RBM6: variants seen among roughly 807,000 people sequenced by gnomAD.
RBM6 encodes RNA binding motif protein 6, also known as RNA-binding protein 6.
RBM6 carries 23 observed loss-of-function variants against 140.4 expected under a neutral mutation model. The observed-to-expected ratio is 0.16, with a 90% CI of 0.12 to 0.23. The LOEUF (loss-of-function observed/expected upper bound fraction) is 0.23. RBM6 is among the 10% of genes least tolerant of loss of function. RBM6 has a pLI of 1.00. For synonymous variants in RBM6, 439 were observed against 475.6 expected (o/e 0.92, Z 1.00); for missense variants, 1,139 against 1,386.7 (o/e 0.82, Z 2.84).
intron 3 of RBM6, among the ~76,000 whole-genome samples, chr3:49,970,322 C>G (rs1196760739): frequency 1.3e-5 from 2 of 152,038 alleles, no homozygotes; most frequent in African/African-American, 2.4e-5. Context: ...TCAAGCAGTC[C>G]CCCCACCTTA....
At chr3:50,064,537 A>T (rs2090052215) in intron 15 of RBM6, among the ~76,000 whole-genome samples, 1 of 151,842 alleles carries the variant, frequency 6.6e-6, no homozygotes, top group Admixed American at 6.6e-5. Context: ...TTTGAGACAG[A>T]GTCTCTCTCT....
intron 5 of RBM6, among the ~76,000 whole-genome samples, chr3:49,980,411 T>A (rs1224369688): frequency 2.0e-5 from 3 of 152,086 alleles, no homozygotes; most frequent in African/African-American, 7.2e-5. Context: ...TTGCTATAAA[T>A]GGAGAAGGAA....
At chr3:50,016,081 C>T (rs57575459) in intron 6 of RBM6, among the ~76,000 whole-genome samples, 9 of 152,266 alleles carry the variant, frequency 5.9e-5, no homozygotes, top group Non-Finnish European at 5.9e-5. Flanking sequence ...AACATTCTCC[C>T]GTTCTCCTCC....
intron 5 of RBM6, among the ~76,000 whole-genome samples, chr3:49,989,994 G>A (rs1000266079): frequency 6.6e-6 from 1 of 152,094 alleles, no homozygotes; most frequent in Non-Finnish European, 1.5e-5. Context: ...TGATCTGCCC[G>A]CCTTGGCTTC....
intron 5 of RBM6, among the ~76,000 whole-genome samples, chr3:49,983,338 G>A (rs1285919998): frequency 6.6e-6 from 1 of 152,098 alleles, no homozygotes; most frequent in Non-Finnish European, 1.5e-5. Context: ...TATAAAACAT[G>A]CACAGTAGCC....
intron 6 of RBM6, among the ~76,000 whole-genome samples, chr3:50,040,923 G>A (rs1354935978): frequency 6.6e-6 from 1 of 152,122 alleles, no homozygotes; most frequent in Admixed American, 6.6e-5. Flanking sequence ...GGGGTTACAG[G>A]CGTGAGCCAC....
chr3:49,947,267 G>A (rs1177665256), intron 1 of RBM6, among the ~76,000 whole-genome samples: 32 of 76,314 alleles, frequency 4.2e-4, no homozygotes, highest in East Asian at 2.6e-3. Flanking sequence ...AAAAAAGGGG[G>A]GGGGGGGGGG....
intron 6 of RBM6, among the ~76,000 whole-genome samples, chr3:50,041,655 C>T (rs528057283): frequency 7.2e-5 from 11 of 152,176 alleles, no homozygotes; most frequent in South Asian, 2.1e-4. Context: ...GTTCTTGAAA[C>T]TCCTGGTAGC....
chr3:50,004,729 C>T (rs972768467), intron 6 of RBM6, among the ~76,000 whole-genome samples: 2 of 152,056 alleles, frequency 1.3e-5, no homozygotes, highest in African/African-American at 2.4e-5. Context: ...AAGCAATCCT[C>T]TCACCTCAGC....
Position 50,057,930 on chromosome 3 carries a change from A to G in RBM6, c.1896A>G (p.Glu632=), listed in dbSNP as rs2089779222. ...GGTATCTGCCTCCTTCTCGAAGGGA[A>G]GGGCCAACTTTCCGAAGAGACCGAG... ...AERYLPPSRR[E]GPTFRRDRER... is the part of the protein sequence containing the mutation. Residue 632 remains glutamate, a synonymous_variant, in exon 9 of 21, where the codon GAA becomes GAG. Transcript: ENST00000266022. 6.2e-7 allele frequency: 1 copy of G among 1,614,054 alleles called. No homozygotes were observed. The highest frequency in any genetic ancestry group is 8.5e-7 in the Non-Finnish European group (1 of 1,180,030).
chr3:49,959,054 A>C (rs983349572), intron 1 of RBM6, among the ~76,000 whole-genome samples: 1 of 151,992 alleles, frequency 6.6e-6, no homozygotes, highest in African/African-American at 2.4e-5. Flanking sequence ...CGGCCTCCCA[A>C]AGTGCTGGGA....
At chr3:49,974,449 G>A (rs1412721925) in intron 4 of RBM6, among the ~76,000 whole-genome samples, 1 of 149,506 alleles carries the variant, frequency 6.7e-6, no homozygotes, top group African/African-American at 2.5e-5. Context: ...TTGGCTCACT[G>A]CAAGCTCCTT....
intron 6 of RBM6, among the ~76,000 whole-genome samples, chr3:50,035,654 C>T (rs2088489510): frequency 6.6e-6 from 1 of 151,848 alleles, no homozygotes. Flanking sequence ...TGCACTCCAG[C>T]CTGGTCGACA....
At chr3:49,996,719 A>G (rs181976885) in intron 5 of RBM6, among the ~76,000 whole-genome samples, 2 of 152,326 alleles carry the variant, frequency 1.3e-5, no homozygotes, top group African/African-American at 4.8e-5. Flanking sequence ...ATATTTCTTA[A>G]CTAGGCTTAT....
At chr3:50,030,931 G>A (rs1460727730) in intron 6 of RBM6, among the ~76,000 whole-genome samples, 1 of 152,144 alleles carries the variant, frequency 6.6e-6, no homozygotes, top group Non-Finnish European at 1.5e-5. Context: ...GGGGGCTGGG[G>A]GGAAGGTGGG....
chr3:50,028,475 G>A (rs762086281), intron 6 of RBM6, among the ~76,000 whole-genome samples: 2 of 152,184 alleles, frequency 1.3e-5, no homozygotes, highest in African/African-American at 4.8e-5. Context: ...GCCAGAGAAC[G>A]TTAGTTTAGG....
chr3:50,072,099 A>G (rs925676488), intron 19 of RBM6, among the ~76,000 whole-genome samples: 5 of 146,354 alleles, frequency 3.4e-5, no homozygotes, highest in South Asian at 2.1e-4. Flanking sequence ...AAAAAAAAAA[A>G]AAAAAAGAAA....
chr3:50,067,186 CAAAAAAAAAAAAAA>C (rs751552449), intron 17 of RBM6, among the ~76,000 whole-genome samples: 1 of 19,556 alleles, frequency 5.1e-5, no homozygotes, highest in African/African-American at 1.5e-4. Flanking sequence ...GACTCTATCT[CAAAAAAAAAAAAAA>C]AAAAAAAAAA....
intron 18 of RBM6, 34 bp downstream of exon 18, chr3:50,068,798 C>T (rs769176543): frequency 6.3e-7 from 1 of 1,586,742 alleles, no homozygotes; most frequent in Non-Finnish European, 8.7e-7. Context: ...CCCTTGACCT[C>T]AGCTCTTTTT....
Sources: allele counts gnomAD v4.1 joint callset (sites outside exome capture counted in the v4.1 genomes callset), GRCh38; gene constraint gnomAD v4.1.1; transcripts MANE v1.5; gene names NCBI Gene and HGNC (gene_info 2026-07-23, HGNC 2026-07-21).